Variants in LINGO2 observed in about 807,000 individuals in gnomAD.
LINGO2 encodes leucine-rich repeat and immunoglobulin-like domain-containing nogo receptor-interacting protein 2.
In LINGO2, 14 loss-of-function variants were observed where a neutral mutation model predicts 30.6. The observed-to-expected ratio is 0.46, with a 90% CI of 0.30 to 0.72. The LOEUF (loss-of-function observed/expected upper bound fraction) is 0.72, where lower values mean the gene tolerates loss of function less well. Ranked by LOEUF, LINGO2 falls within the 30% of genes least tolerant of loss-of-function variation. The probability of loss-of-function intolerance (pLI) is 0.07; values close to 1 mark genes in which losing one functional copy is unlikely to be tolerated. For missense variants in LINGO2, 729 were observed against 751.7 expected, an observed-to-expected ratio of 0.97 and a Z score of 0.35; for synonymous variants, 317 against 288.5, an observed-to-expected ratio of 1.10 and a Z score of -1.00.
the LINGO2 span, among the ~76,000 whole-genome samples, chr9:28,931,104 C>T: frequency 2.6e-5 from 4 of 152,036 alleles, no homozygotes; most frequent in African/African-American, 4.8e-5. Flanking sequence ...TTAAACTTGC[C>T]GTGGCAAATA....
chr9:28,500,164 C>T (rs1819828693), intron 1 of LINGO2, among the ~76,000 whole-genome samples: 1 of 152,128 alleles, frequency 6.6e-6, no homozygotes. Context: ...GGTCTTCTGA[C>T]TTTGAAGATT....
chr9:28,819,730 T>A, the LINGO2 span, among the ~76,000 whole-genome samples: 6 of 152,168 alleles, frequency 3.9e-5, no homozygotes, highest in African/African-American at 1.4e-4. Context: ...GCAGAGCACG[T>A]CATGAGAAAC....
At chr9:29,168,932 G>T in the LINGO2 span, among the ~76,000 whole-genome samples, 5 of 151,976 alleles carry the variant, frequency 3.3e-5, no homozygotes, top group African/African-American at 1.2e-4. Flanking sequence ...AAGATATAAG[G>T]TTTTAAAACT....
intron 2 of LINGO2, among the ~76,000 whole-genome samples, chr9:28,457,032 C>T (rs1458948483): frequency 2.6e-5 from 4 of 152,104 alleles, no homozygotes; most frequent in Non-Finnish European, 5.9e-5. Flanking sequence ...CCTGAAACTG[C>T]CAAAGTGCTA....
At chr9:28,258,644 C>G (rs1822461089) in intron 4 of LINGO2, among the ~76,000 whole-genome samples, 1 of 151,880 alleles carries the variant, frequency 6.6e-6, no homozygotes, top group Admixed American at 6.6e-5. Flanking sequence ...AGATATCTCA[C>G]CAGAGAGCCT....
At chr9:28,688,176 A>G in the LINGO2 span, among the ~76,000 whole-genome samples, 1 of 152,138 alleles carries the variant, frequency 6.6e-6, no homozygotes, top group Non-Finnish European at 1.5e-5. Flanking sequence ...GCAGAAATAC[A>G]TTACCTCTGG....
At chr9:28,637,050 T>A (rs1827315427) in intron 1 of LINGO2, among the ~76,000 whole-genome samples, 1 of 152,172 alleles carries the variant, frequency 6.6e-6, no homozygotes, top group Non-Finnish European at 1.5e-5. Context: ...GGCTAGCCAG[T>A]TTTCCCAGCA....
chr9:29,161,602 C>G, the LINGO2 span, among the ~76,000 whole-genome samples: 1 of 152,150 alleles, frequency 6.6e-6, no homozygotes, highest in South Asian at 2.1e-4. Flanking sequence ...GCTGCCCCTT[C>G]AGCATTTCTG....
intron 1 of LINGO2, among the ~76,000 whole-genome samples, chr9:28,606,369 G>C (rs1046447940): frequency 6.6e-6 from 1 of 151,864 alleles, no homozygotes; most frequent in African/African-American, 2.4e-5. Flanking sequence ...GACTTTACTG[G>C]AGAATAAATG....
chr9:28,373,015 GA>G (rs5897286), intron 2 of LINGO2, 147 bp from the exon 5 acceptor site: 1 of 151,576 alleles, frequency 6.6e-6, no homozygotes, highest in African/African-American at 2.4e-5. Context: ...ACTACAGAGA[GA>G]AAAAAAACTG....
At chr9:28,183,898 A>G (rs181572490) in intron 4 of LINGO2, among the ~76,000 whole-genome samples, 2 of 152,332 alleles carry the variant, frequency 1.3e-5, no homozygotes, top group East Asian at 3.9e-4. Context: ...AGATTGAAAA[A>G]TTCATATGTT....
chr9:28,772,435 T>C, the LINGO2 span, among the ~76,000 whole-genome samples: 2 of 152,178 alleles, frequency 1.3e-5, no homozygotes, highest in African/African-American at 4.8e-5. Flanking sequence ...TGAAGACCAG[T>C]TGCATGTACA....
intron 4 of LINGO2, among the ~76,000 whole-genome samples, chr9:28,058,370 T>A (rs982276820): frequency 6.6e-6 from 1 of 152,162 alleles, no homozygotes; most frequent in East Asian, 1.9e-4. Context: ...TTGTCACTCA[T>A]ATATGGTCAC....
the LINGO2 span, among the ~76,000 whole-genome samples, chr9:29,170,258 C>T: frequency 6.6e-6 from 1 of 152,118 alleles, no homozygotes. Context: ...CCATGGAATA[C>T]TACTCAGCCA....
chr9:29,150,928 G>A, the LINGO2 span, among the ~76,000 whole-genome samples: 1 of 151,972 alleles, frequency 6.6e-6, no homozygotes, highest in Non-Finnish European at 1.5e-5. Flanking sequence ...TATACAATAT[G>A]ACCATCCACA....
chr9:28,502,283 T>C (rs1360962549), intron 1 of LINGO2, among the ~76,000 whole-genome samples: 1 of 152,108 alleles, frequency 6.6e-6, no homozygotes, highest in Non-Finnish European at 1.5e-5. Context: ...TGTGGTCTCA[T>C]GGGCACTTGT....
At chr9:28,786,447 A>G in the LINGO2 span, among the ~76,000 whole-genome samples, 24 of 152,208 alleles carry the variant, frequency 1.6e-4, no homozygotes, top group African/African-American at 5.8e-4. Context: ...TAGCATATAA[A>G]TATGAGTTGA....
intron 5 of LINGO2, among the ~76,000 whole-genome samples, chr9:27,966,426 T>G (rs1290028393): frequency 6.6e-6 from 1 of 152,112 alleles, no homozygotes; most frequent in Admixed American, 6.6e-5. Context: ...TGCAGGGACA[T>G]GGATGAAATT....
At chr9:28,909,488 T>C in the LINGO2 span, among the ~76,000 whole-genome samples, 1 of 151,994 alleles carries the variant, frequency 6.6e-6, no homozygotes, top group Non-Finnish European at 1.5e-5. Flanking sequence ...GTGTTAAGTG[T>C]GTGATTGCCT....
Sources: gnomAD v4.1 joint callset for allele counts (sites outside exome capture counted in the v4.1 genomes callset) on GRCh38, gnomAD v4.1.1 for gene constraint, MANE v1.5 for transcripts, NCBI Gene and HGNC (gene_info 2026-07-23, HGNC 2026-07-21) for gene names.